Variants in MYO5B observed in about 807,000 individuals in gnomAD.
MYO5B encodes myosin VB.
MYO5B carries 143 observed loss-of-function variants against 229.3 expected under a neutral mutation model. The observed-to-expected ratio is 0.62, with a 90% CI of 0.54 to 0.72. The LOEUF (loss-of-function observed/expected upper bound fraction) is 0.72, where lower values mean the gene tolerates loss of function less well. MYO5B is among the 30% of genes least tolerant of loss of function. The probability of loss-of-function intolerance (pLI) is 0.00; values close to 1 mark genes in which losing one functional copy is unlikely to be tolerated. For synonymous variants in MYO5B, 918 were observed against 885.2 expected (o/e 1.04, Z -0.66); for missense variants, 2,321 against 2,331.0 (o/e 1.00, Z 0.09).
intron 12 of MYO5B, 22 bp from the exon 13 acceptor site, chr18:49,954,457 C>A: frequency 6.2e-7 from 1 of 1,613,680 alleles, no homozygotes; most frequent in Non-Finnish European, 8.5e-7. Context: ...CAAGATAGGG[C>A]AGAGCGCTTT....
At chr18:50,185,070 C>A (rs533843772) in intron 1 of MYO5B, among the ~76,000 whole-genome samples, 40 of 151,628 alleles carry the variant, frequency 2.6e-4, no homozygotes, top group Non-Finnish European at 5.4e-4. Flanking sequence ...CAGAATGAGA[C>A]CCTGTCTCAA....
intron 36 of MYO5B, among the ~76,000 whole-genome samples, chr18:49,838,391 T>C (rs1456419518): frequency 6.6e-6 from 1 of 152,222 alleles, no homozygotes; most frequent in East Asian, 1.9e-4. Context: ...CACATTATTC[T>C]GAGTATCTCC....
chr18:49,830,829 C>CAAA (rs59785909), intron 39 of MYO5B, among the ~76,000 whole-genome samples: 13 of 72,864 alleles, frequency 1.8e-4, no homozygotes, highest in South Asian at 8.0e-4. Context: ...GACTCTGTCT[C>CAAA]AAAAAAAAAA....
intron 20 of MYO5B, among the ~76,000 whole-genome samples, 153 bp from the exon 21 acceptor site, chr18:49,902,986 G>A (rs2024860484): frequency 6.6e-6 from 1 of 152,222 alleles, no homozygotes; most frequent in Non-Finnish European, 1.5e-5. Flanking sequence ...TAAGGCTTTG[G>A]TGGTTGTTTT....
chr18:49,843,303 C>T lies in MYO5B; in HGVS notation c.4549G>A (p.Asp1517Asn), dbSNP rs1468587264. Residue 1517 changes from aspartate (D) to asparagine (N), a missense_variant, in exon 34 of 40, where the codon GAC (aspartate) becomes AAC (asparagine). Asp to Asn is a conservative substitution (Grantham distance 23). This residue lies in a region of MYO5B where 2,113 missense variants were observed against 2,044.7 expected (regional missense o/e 1.03). Coordinates refer to ENST00000285039, the MANE Select transcript of MYO5B (RefSeq NM_001080467.3). ...AGCAGGGAGTGCACCTTGAGATCGT[C>T]GTTGGTGTAGTCCGCGTGCCGGATG... ...MCIRHADYTNDDLKVHSLLTS... is the reference protein window; with the variant it reads ...MCIRHADYTNNDLKVHSLLTS... 9.9e-6 allele frequency: 16 copies of T among 1,614,082 alleles called. No individual in the cohort carries two copies. The highest frequency in any genetic ancestry group is 1.0e-5 in the Non-Finnish European group (12 of 1,180,048).
chr18:50,190,521 A>G lies in MYO5B; in HGVS notation c.27+4246T>C, dbSNP rs529108303. Among the ~76,000 whole-genome samples the G allele has an allele frequency of 3.3e-4, 50 of 152,342 alleles. 1 individual carries two copies. Among genetic ancestry groups the G allele is most frequent in the Admixed American group, 1.8e-3 (27 of 15,306 alleles). ...GACTGGTGCTCTTTCTCCATCCAGA[A>G]AAACCTCACTACAAAGAAAACAATT... is the stretch of plus-strand genomic sequence containing the variant. On this transcript the variant is annotated intron_variant, in intron 1 of 39. Coordinates refer to ENST00000285039, the MANE Select transcript of MYO5B (RefSeq NM_001080467.3).
At chr18:49,940,243 A>C (rs1598898223) in intron 14 of MYO5B, among the ~76,000 whole-genome samples, 1 of 152,222 alleles carries the variant, frequency 6.6e-6, no homozygotes, top group East Asian at 1.9e-4. Context: ...TTCACATTAC[A>C]GTCTACAGTG....
At chr18:50,088,926 G>C (rs1033649053) in intron 1 of MYO5B, among the ~76,000 whole-genome samples, 1 of 152,182 alleles carries the variant, frequency 6.6e-6, no homozygotes, top group Non-Finnish European at 1.5e-5. Flanking sequence ...TTTGTTAGCT[G>C]ATGTTTTTTG....
intron 3 of MYO5B, among the ~76,000 whole-genome samples, chr18:50,037,808 C>T (rs1226218792): frequency 1.3e-5 from 2 of 152,064 alleles, no homozygotes; most frequent in African/African-American, 2.4e-5. Context: ...GAGAGGAATG[C>T]TTGAGCCCAA....
At chr18:49,914,663 C>T (rs918776500) in intron 17 of MYO5B, among the ~76,000 whole-genome samples, 1 of 151,538 alleles carries the variant, frequency 6.6e-6, no homozygotes, top group Non-Finnish European at 1.5e-5. Flanking sequence ...GCCTGTAGTA[C>T]CAGCTACTCA....
At chr18:49,913,906 G>A (rs1399426539) in intron 17 of MYO5B, among the ~76,000 whole-genome samples, 1 of 151,970 alleles carries the variant, frequency 6.6e-6, no homozygotes, top group East Asian at 2.0e-4. Context: ...CCTGGGGGTG[G>A]TGGGAGAGAA....
At chr18:49,908,476 T>C (rs985893606) in intron 18 of MYO5B, among the ~76,000 whole-genome samples, 6 of 152,214 alleles carry the variant, frequency 3.9e-5, no homozygotes, top group Non-Finnish European at 7.3e-5. Flanking sequence ...AGTAGTGAAG[T>C]GACTTGCTCA....
intron 9 of MYO5B, among the ~76,000 whole-genome samples, chr18:49,977,699 CAGAGAA>C (rs2025767264): frequency 6.6e-6 from 1 of 152,202 alleles, no homozygotes; most frequent in African/African-American, 2.4e-5. Flanking sequence ...ATTCTAACCT[CAGAGAA>C]AGAGGTTCCC....
chr18:49,994,635 C>T (rs1252372951), intron 5 of MYO5B, among the ~76,000 whole-genome samples: 1 of 152,206 alleles, frequency 6.6e-6, no homozygotes, highest in Non-Finnish European at 1.5e-5. Context: ...AACTCTCAGT[C>T]ACCTAACTGG....
chr18:49,929,185 G>A (rs1411702461), intron 17 of MYO5B, among the ~76,000 whole-genome samples: 1 of 152,172 alleles, frequency 6.6e-6, no homozygotes. Flanking sequence ...GTGGGGGAAT[G>A]GTAAAGGGGA....
At chr18:49,976,374 T>C (rs1012439399) in intron 9 of MYO5B, among the ~76,000 whole-genome samples, 2 of 152,158 alleles carry the variant, frequency 1.3e-5, no homozygotes, top group Non-Finnish European at 2.9e-5. Flanking sequence ...GCCAGAATAA[T>C]AGAATCCAAA....
At chr18:49,957,426 G>A (rs1314819125) in intron 12 of MYO5B, among the ~76,000 whole-genome samples, 1 of 152,078 alleles carries the variant, frequency 6.6e-6, no homozygotes, top group Non-Finnish European at 1.5e-5. Context: ...AGGATGGCTT[G>A]AGCCCAAGAA....
intron 16 of MYO5B, among the ~76,000 whole-genome samples, chr18:49,934,567 A>G (rs1286697218): frequency 6.6e-6 from 1 of 152,202 alleles, no homozygotes; most frequent in Non-Finnish European, 1.5e-5. Flanking sequence ...TAGAGCCCTC[A>G]TCTCCTCTCC....
At chr18:49,894,839 C>G (rs961693679) in intron 22 of MYO5B, 102 bp downstream of exon 22, 3 of 1,020,572 alleles carry the variant, frequency 2.9e-6, no homozygotes, top group Non-Finnish European at 4.5e-6. Flanking sequence ...AGCCCAAGAC[C>G]ATGGCAATTT....
Sources: allele counts gnomAD v4.1 joint callset (sites outside exome capture counted in the v4.1 genomes callset), GRCh38; gene constraint gnomAD v4.1.1; regional missense constraint gnomAD v4.1.1; transcripts MANE v1.5; gene names NCBI Gene and HGNC (gene_info 2026-07-23, HGNC 2026-07-21).